DLG2: variants seen among roughly 807,000 people sequenced by gnomAD.
DLG2 encodes disks large homolog 2.
Under a neutral mutation model 132.5 loss-of-function variants are expected in DLG2, and 45 were observed. The observed-to-expected ratio is 0.34, with a 90% CI of 0.27 to 0.44. The LOEUF (loss-of-function observed/expected upper bound fraction) is 0.44. Among genes scored for constraint, DLG2 ranks in the 20% least tolerant of loss-of-function variants. DLG2 has a pLI of 1.00. For synonymous variants in DLG2, 424 were observed against 419.6 expected (o/e 1.01, Z -0.13); for missense variants, 1,045 against 1,196.9 (o/e 0.87, Z 1.87).
At chr11:83,644,436 A>G (rs1566244472) in intron 18 of DLG2, among the ~76,000 whole-genome samples, 1 of 152,176 alleles carries the variant, frequency 6.6e-6, no homozygotes, top group Admixed American at 6.6e-5. Flanking sequence ...AGAATTGTTT[A>G]TACTCATAAC....
intron 16 of DLG2, among the ~76,000 whole-genome samples, chr11:83,859,490 C>T (rs2061086750): frequency 6.6e-6 from 1 of 152,130 alleles, no homozygotes; most frequent in South Asian, 2.1e-4. Context: ...ATTTGTGAAA[C>T]TTTGTACTTG....
At chr11:83,469,946 A>C (rs1365828442) in intron 24 of DLG2, among the ~76,000 whole-genome samples, 2 of 152,186 alleles carry the variant, frequency 1.3e-5, no homozygotes, top group African/African-American at 4.8e-5. Context: ...ATAGGACTAA[A>C]AATCAGCAAC....
chr11:84,488,606 G>C (rs1447865526), intron 7 of DLG2, among the ~76,000 whole-genome samples: 1 of 152,036 alleles, frequency 6.6e-6, no homozygotes, highest in Non-Finnish European at 1.5e-5. Flanking sequence ...AAGGACACTT[G>C]CAAGACAGCT....
intron 6 of DLG2, among the ~76,000 whole-genome samples, chr11:84,727,705 C>G (rs2062657107): frequency 6.6e-6 from 1 of 152,058 alleles, no homozygotes; most frequent in Non-Finnish European, 1.5e-5. Flanking sequence ...GCCATTTTCC[C>G]AATATTGATT....
At chr11:85,126,067 G>GAA (rs895527081) in intron 5 of DLG2, among the ~76,000 whole-genome samples, 1 of 151,044 alleles carries the variant, frequency 6.6e-6, no homozygotes, top group African/African-American at 2.4e-5. Flanking sequence ...TGGTCATCTA[G>GAA]AAAAAAAAAT....
At chr11:84,191,757 TAC>T (rs1322145586) in intron 8 of DLG2, among the ~76,000 whole-genome samples, 2 of 152,194 alleles carry the variant, frequency 1.3e-5, no homozygotes, top group African/African-American at 4.8e-5. Flanking sequence ...GACAACTGCA[TAC>T]AGTCTGTTAC....
intron 3 of DLG2, among the ~76,000 whole-genome samples, chr11:85,425,851 C>A (rs1176734148): frequency 6.6e-6 from 1 of 152,190 alleles, no homozygotes; most frequent in Admixed American, 6.5e-5. Context: ...TCGCCTCACC[C>A]AGGAAGCGCA....
intron 15 of DLG2, among the ~76,000 whole-genome samples, chr11:83,879,026 C>A (rs1423521584): frequency 1.3e-5 from 2 of 152,136 alleles, no homozygotes; most frequent in African/African-American, 4.8e-5. Context: ...GTAAAAGACT[C>A]CAAACTGTTG....
chr11:85,269,479 G>T (rs1212517179), intron 4 of DLG2, among the ~76,000 whole-genome samples: 1 of 152,198 alleles, frequency 6.6e-6, no homozygotes, highest in Non-Finnish European at 1.5e-5. Context: ...GAAAAATTAA[G>T]AGTAAAGATT....
intron 21 of DLG2, among the ~76,000 whole-genome samples, chr11:83,512,355 A>T (rs1027006755): frequency 4.6e-5 from 7 of 152,168 alleles, no homozygotes; most frequent in African/African-American, 1.7e-4. Context: ...ATTGTGAGGA[A>T]CACCTTAGTT....
intron 17 of DLG2, among the ~76,000 whole-genome samples, chr11:83,798,624 T>A (rs1056517397): frequency 2.0e-5 from 3 of 152,066 alleles, no homozygotes; most frequent in Non-Finnish European, 2.9e-5. Flanking sequence ...ATGAGACAGG[T>A]ACAGAACACA....
intron 6 of DLG2, among the ~76,000 whole-genome samples, chr11:85,082,731 CTTTCTTTTTTTTT>C (rs2067399396): frequency 8.2e-6 from 1 of 121,238 alleles, no homozygotes. Context: ...TTTTTCTTTT[CTTTCTTTTTTTTT>C]TTTTTTTTTT....
At chr11:84,408,329 T>C (rs985041224) in intron 7 of DLG2, among the ~76,000 whole-genome samples, 2 of 132,924 alleles carry the variant, frequency 1.5e-5, no homozygotes, top group African/African-American at 7.6e-5. Flanking sequence ...AATGACAACT[T>C]GCACATGTTA....
chr11:83,652,663 C>T (rs1220012205), intron 18 of DLG2, among the ~76,000 whole-genome samples: 6 of 152,140 alleles, frequency 3.9e-5, no homozygotes, highest in African/African-American at 1.2e-4. Flanking sequence ...TGAGCCACTG[C>T]GCCTAGCCTA....
At chr11:83,961,503 A>G (rs989365413) in intron 14 of DLG2, among the ~76,000 whole-genome samples, 3 of 151,978 alleles carry the variant, frequency 2.0e-5, no homozygotes, top group Non-Finnish European at 4.4e-5. Context: ...AAGTTCCATA[A>G]CCTCTTTGAA....
chr11:85,075,736 A>C (rs1009592133), intron 6 of DLG2, among the ~76,000 whole-genome samples: 2 of 151,904 alleles, frequency 1.3e-5, no homozygotes, highest in Admixed American at 1.3e-4. Flanking sequence ...GTATGTGCAT[A>C]CACTCTTACA....
intron 7 of DLG2, among the ~76,000 whole-genome samples, chr11:84,302,351 G>T (rs1466422038): frequency 1.3e-5 from 2 of 152,104 alleles, no homozygotes; most frequent in Non-Finnish European, 2.9e-5. Flanking sequence ...TTTAAAAAAT[G>T]ATGTCAACAA....
intron 6 of DLG2, among the ~76,000 whole-genome samples, chr11:85,111,243 G>C (rs2072689162): frequency 6.6e-6 from 1 of 152,122 alleles, no homozygotes; most frequent in Non-Finnish European, 1.5e-5. Flanking sequence ...TATTACACCA[G>C]GAAGACTTGA....
At chr11:85,425,488 G>A (rs1292198647) in intron 3 of DLG2, among the ~76,000 whole-genome samples, 1 of 151,756 alleles carries the variant, frequency 6.6e-6, no homozygotes, top group African/African-American at 2.4e-5. Context: ...TGGTAAAAGT[G>A]GTACACTCAT....
Sources: gnomAD v4.1 joint callset for allele counts (sites outside exome capture counted in the v4.1 genomes callset) on GRCh38, gnomAD v4.1.1 for gene constraint, MANE v1.5 for transcripts, NCBI Gene and HGNC (gene_info 2026-07-23, HGNC 2026-07-21) for gene names.